ASB9: variants seen among roughly 807,000 people sequenced by gnomAD.
ASB9 encodes the protein ankyrin repeat and SOCS box containing 9.
A neutral mutation model predicts 16.6 loss-of-function variants in ASB9; 5 were observed. The ratio of observed to expected loss-of-function variants is 0.30; its 90% CI spans 0.16 to 0.63. The LOEUF is 0.63. Ranked by LOEUF, ASB9 falls within the 30% of genes least tolerant of loss-of-function variation. The pLI is 0.82. For missense variants in ASB9, 216 were observed against 229.4 expected (o/e 0.94, Z 0.38); for synonymous variants, 100 against 86.4 (o/e 1.16, Z -0.87).
intron 1 of ASB9, among the ~76,000 whole-genome samples, chrX:15,267,534 G>A (rs1361837388): frequency 1.5e-5 from 1 of 68,686 alleles, no homozygotes; most frequent in African/African-American, 6.5e-5. Context: ...CACGAGGTCA[G>A]GAGATTGAGA....
chrX:15,255,439 A>G (rs749939066), intron 2 of ASB9, among the ~76,000 whole-genome samples: 4 of 111,760 alleles, frequency 3.6e-5, no homozygotes, highest in Non-Finnish European at 5.6e-5. Context: ...AAAGAAAACA[A>G]GGAAATCGGG....
At chrX:15,251,197 A>T in intron 4 of ASB9, among the ~76,000 whole-genome samples, 1 of 112,035 alleles carries the variant, frequency 8.9e-6, no homozygotes, top group Admixed American at 9.5e-5. Flanking sequence ...TTGAAGTGAG[A>T]GCTTGGGAGA....
At chrX:15,265,833 C>A (rs769561512) in intron 1 of ASB9, among the ~76,000 whole-genome samples, 1 of 102,967 alleles carries the variant, frequency 9.7e-6, no homozygotes, top group African/African-American at 3.6e-5. Flanking sequence ...GACAGAGTTT[C>A]ACTCTTGTTG....
Position 15,244,513 on chromosome X carries a change from T to G in ASB9, c.878A>C (p.His293Pro). The change falls in exon 7 of 7, where the codon CAT becomes CCT. Residue 293 changes from histidine (H) to proline (P), a missense_variant. Transcript: ENST00000380488. Reference protein sequence around the residue: ...LPEDLKQFLLHL With the variant: ...LPEDLKQFLLPL The stretch of plus-strand genomic sequence containing the variant: ...TCCATTCCCTAGATGCATTTAAAGA[T>G]GTAGGAGAAACTGTTTCAGATCCTC... 8.4e-7 allele frequency: 1 copy of G among 1,196,836 alleles called. No individual in the cohort carries two copies. Among genetic ancestry groups the G allele is most frequent in the Non-Finnish European group, 1.1e-6 (1 of 882,337 alleles).
intron 6 of ASB9, among the ~76,000 whole-genome samples, chrX:15,245,307 G>T (rs913238245): frequency 2.7e-5 from 3 of 111,060 alleles, no homozygotes; most frequent in Non-Finnish European, 5.7e-5. Context: ...GACATTTTTG[G>T]TTGCCAAAAC....
Position 15,244,399 on chromosome X carries a change from G to C in ASB9, c.*107C>G. On this transcript the variant is annotated 3_prime_UTR_variant, in exon 7 of 7. Transcript: ENST00000380488. ...GTTTATAACAAATACAAATCTAATC[G>C]AAAAAACTAGTCAAACTCTATAAAT... 9 of 940,056 alleles carry C rather than the reference G, an allele frequency of 9.6e-6. No homozygotes were observed. Among genetic ancestry groups the C allele is most frequent in the Non-Finnish European group, 1.3e-5 (9 of 682,015 alleles). The allele number at this position is 940,056 out of a possible 1,213,427, so 77.5% of individuals were successfully genotyped here. A position where few individuals can be genotyped will look rare whatever the true frequency, so the allele number is the denominator to read the frequency against.
At chrX:15,254,480 G>A (rs1253972186) in intron 3 of ASB9, among the ~76,000 whole-genome samples, 3 of 112,150 alleles carry the variant, frequency 2.7e-5, no homozygotes, top group Non-Finnish European at 5.6e-5. Context: ...CCATAACAAT[G>A]AAGACAGAAG....
chrX:15,248,611 C>T, intron 6 of ASB9, 133 bp downstream of exon 6: 1 of 1,037,197 alleles, frequency 9.6e-7, no homozygotes, highest in Non-Finnish European at 1.3e-6. Flanking sequence ...ATTATCTCAA[C>T]TTCCCAGATT....
chrX:15,247,623 G>A (rs764519574), intron 6 of ASB9, among the ~76,000 whole-genome samples: 27 of 112,559 alleles, frequency 2.4e-4, no homozygotes, highest in African/African-American at 8.7e-4. Context: ...TTTTTATTCT[G>A]ATTGTTTAAA....
intron 1 of ASB9, among the ~76,000 whole-genome samples, chrX:15,267,298 C>T (rs1345596492): frequency 2.7e-5 from 3 of 112,140 alleles, no homozygotes; most frequent in Non-Finnish European, 3.8e-5. Context: ...CCCACCTAGT[C>T]CCTGCCTCTC....
In ASB9 at chrX:15,244,435, T is replaced by G; in HGVS notation, c.*71A>C. 1 of 1,093,285 alleles carries G rather than the reference T, an allele frequency of 9.1e-7. No homozygotes were observed. Among genetic ancestry groups the G allele is most frequent in the African/African-American group, 1.8e-5 (1 of 54,702 alleles). 90.1% of individuals were successfully genotyped at this position (1,093,285 alleles called of 1,213,427 possible). ...TCAAACTCTATAAATCCAACTTGAT[T>G]TTAAAATTCTAGTGGCTACAACACT... is the stretch of plus-strand genomic sequence containing the variant. On this transcript the variant is annotated 3_prime_UTR_variant, in exon 7 of 7. Coordinates refer to ENST00000380488, the MANE Select transcript of ASB9 (RefSeq NM_001031739.3).
At chrX:15,252,959 C>T (rs1925243594) in intron 3 of ASB9, among the ~76,000 whole-genome samples, 2 of 112,485 alleles carry the variant, frequency 1.8e-5, no homozygotes, top group African/African-American at 3.2e-5. Context: ...TTTGGCCAGG[C>T]GCAGTGGCTC....
chrX:15,264,521 C>A (rs1473567253), intron 1 of ASB9, among the ~76,000 whole-genome samples: 2 of 111,355 alleles, frequency 1.8e-5, no homozygotes, highest in Non-Finnish European at 3.8e-5. Context: ...ATTTTTATAG[C>A]CTTTCCTCCC....
At chrX:15,264,269 G>C (rs1926210661) in intron 1 of ASB9, among the ~76,000 whole-genome samples, 1 of 110,892 alleles carries the variant, frequency 9.0e-6, no homozygotes, top group Non-Finnish European at 1.9e-5. Context: ...TTTCTTATAG[G>C]GACTCTGGTC....
At chrX:15,266,691 C>A (rs1442364546) in intron 1 of ASB9, among the ~76,000 whole-genome samples, 8 of 111,801 alleles carry the variant, frequency 7.2e-5, no homozygotes, top group Admixed American at 1.9e-4. Flanking sequence ...AATCCCAGCA[C>A]TTTGGGAGGC....
At chrX:15,260,648 T>C (rs1172448896) in intron 1 of ASB9, among the ~76,000 whole-genome samples, 2 of 111,833 alleles carry the variant, frequency 1.8e-5, no homozygotes, top group Admixed American at 1.9e-4. Context: ...CCAAACACAC[T>C]ACATACAAAC....
At chrX:15,245,800 C>T (rs761530080) in intron 6 of ASB9, among the ~76,000 whole-genome samples, 1 of 111,921 alleles carries the variant, frequency 8.9e-6, no homozygotes, top group South Asian at 3.8e-4. Flanking sequence ...TATAGCAATA[C>T]CACCAACTAC....
chrX:15,266,505 G>T (rs150652661), intron 1 of ASB9, among the ~76,000 whole-genome samples: 2,999 of 111,704 alleles, frequency 0.027, 112 homozygotes, highest in African/African-American at 0.092. Flanking sequence ...CTTCAAACTT[G>T]TTCTCACTAG....
chrX:15,250,310 C>T, intron 5 of ASB9, 120 bp downstream of exon 5: 1 of 815,775 alleles, frequency 1.2e-6, no homozygotes, highest in Non-Finnish European at 1.7e-6. Context: ...CAATATGAAC[C>T]CTGACCTTGT....
Sources: allele counts gnomAD v4.1 joint callset (sites outside exome capture counted in the v4.1 genomes callset), GRCh38; gene constraint gnomAD v4.1.1; transcripts MANE v1.5; gene names NCBI Gene and HGNC (gene_info 2026-07-23, HGNC 2026-07-21).